CRACR2A: variants seen among roughly 807,000 people sequenced by gnomAD.
CRACR2A encodes calcium release activated channel regulator 2A, also known as EF-hand calcium-binding domain-containing protein 4B.
Under a neutral mutation model 90.5 loss-of-function variants are expected in CRACR2A, and 79 were observed. The ratio of observed to expected loss-of-function variants is 0.87; its 90% CI spans 0.73 to 1.05. The LOEUF (loss-of-function observed/expected upper bound fraction) is 1.05, where lower values mean the gene tolerates loss of function less well. CRACR2A is among the 50% of genes least tolerant of loss of function. The probability of loss-of-function intolerance (pLI) is 0.00; values close to 1 mark genes in which losing one functional copy is unlikely to be tolerated. For missense variants in CRACR2A, 823 were observed against 897.2 expected (o/e 0.92, Z 1.06); for synonymous variants, 338 against 356.7 (o/e 0.95, Z 0.59).
chr12:3,633,579 A>G lies in CRACR2A; in HGVS notation c.1735+25T>C. The G allele has an allele frequency of 6.4e-7, 1 of 1,551,486 alleles. No individual in the cohort carries two copies. Among genetic ancestry groups the G allele is most frequent in the Admixed American group, 2.0e-5 (1 of 50,996 alleles). On this transcript the variant is annotated intron_variant, in intron 15 of 19. Transcript: ENST00000440314. The surrounding 1 kb of genome is among the most constrained non-coding windows in gnomAD (Gnocchi z 4.5). ...CTCCCTTCCCAAAGATGGGCCTAGG[A>G]CCCACCTCAGGGATGAGAACTCACC...
chr12:3,696,951 G>A lies in CRACR2A; in HGVS notation c.49C>T (p.Gln17Ter). The change falls in exon 4 of 20, where the codon CAG becomes TAG. Residue 17 changes from glutamine to a stop codon, truncating the protein, a stop_gained. Coordinates refer to ENST00000440314, the MANE Select transcript of CRACR2A (RefSeq NM_001144958.2). LOFTEE classifies it high-confidence loss of function. The part of the protein sequence containing the change: ...RVVSRPQRLG[Q>*]GSGQGPKGSG... ...CCCTTTGGCCCCTGGCCAGACCCCT[G>A]ACCAAGTCTCTGGGGTCTGGAGACT... The A allele has an allele frequency of 6.2e-7, 1 of 1,614,066 alleles. No homozygotes were observed. Among genetic ancestry groups the A allele is most frequent in the South Asian group, 1.1e-5 (1 of 91,072 alleles).
At chr12:3,655,498 G>A (rs911304979) in intron 9 of CRACR2A, among the ~76,000 whole-genome samples, 2 of 152,194 alleles carry the variant, frequency 1.3e-5, no homozygotes, top group African/African-American at 4.8e-5. Context: ...CTATTGAAAC[G>A]GAAGCAATGT....
intron 4 of CRACR2A, among the ~76,000 whole-genome samples, chr12:3,688,225 A>T (rs1382054547): frequency 6.6e-6 from 1 of 152,066 alleles, no homozygotes; most frequent in Non-Finnish European, 1.5e-5. Flanking sequence ...TGCTTTTGTT[A>T]CAATTGCTTT....
intron 3 of CRACR2A, among the ~76,000 whole-genome samples, chr12:3,703,334 C>T (rs957735018): frequency 2.0e-5 from 3 of 152,216 alleles, no homozygotes; most frequent in Non-Finnish European, 4.4e-5. Flanking sequence ...ATCCGCCCAC[C>T]TTGGCCTCCC....
intron 6 of CRACR2A, 39 bp from the exon 7 acceptor site, chr12:3,673,631 G>A (rs1565484466): frequency 1.2e-6 from 2 of 1,601,852 alleles, no homozygotes; most frequent in Non-Finnish European, 8.5e-7. Flanking sequence ...GTGTGGAGAT[G>A]AGGCTTCACG....
At chr12:3,628,641 C>T (rs1239749042) in intron 15 of CRACR2A, among the ~76,000 whole-genome samples, 3 of 152,224 alleles carry the variant, frequency 2.0e-5, no homozygotes, top group African/African-American at 7.2e-5. Flanking sequence ...GTATTCCCCA[C>T]TCCTGCATCC....
intron 2 of CRACR2A, chr12:3,732,668 T>G (rs1946379704): frequency 6.6e-6 from 1 of 152,276 alleles, no homozygotes; most frequent in Non-Finnish European, 1.5e-5. Flanking sequence ...TGAGCGCTTT[T>G]GTCCCAGTCA....
At chr12:3,655,564 G>A (rs1944887475) in intron 9 of CRACR2A, among the ~76,000 whole-genome samples, 1 of 152,218 alleles carries the variant, frequency 6.6e-6, no homozygotes, top group Admixed American at 6.5e-5. Flanking sequence ...CAAAACAGGA[G>A]GCCAGTGGCA....
chr12:3,718,795 G>A (rs931832739), intron 2 of CRACR2A, among the ~76,000 whole-genome samples: 2 of 152,224 alleles, frequency 1.3e-5, no homozygotes, highest in Non-Finnish European at 2.9e-5. Flanking sequence ...TAAGCTCCAT[G>A]AAGGCAGGTG....
intron 2 of CRACR2A, chr12:3,732,011 C>G (rs953060197): frequency 6.6e-6 from 1 of 152,210 alleles, no homozygotes; most frequent in Admixed American, 6.5e-5. Context: ...TGTTAATCAC[C>G]CAGTTGGTGG....
chr12:3,706,178 G>A (rs1433827814), intron 3 of CRACR2A, among the ~76,000 whole-genome samples: 1 of 152,204 alleles, frequency 6.6e-6, no homozygotes, highest in African/African-American at 2.4e-5. Flanking sequence ...CTTCATGCCT[G>A]TGCCTCTTCT....
intron 2 of CRACR2A, among the ~76,000 whole-genome samples, chr12:3,717,361 G>A (rs1946097589): frequency 6.6e-6 from 1 of 152,158 alleles, no homozygotes; most frequent in African/African-American, 2.4e-5. Flanking sequence ...TGAACATGAA[G>A]ACTGATTTCA....
chr12:3,639,850 C>G (rs549309164), intron 13 of CRACR2A, among the ~76,000 whole-genome samples: 2 of 152,290 alleles, frequency 1.3e-5, no homozygotes, highest in Non-Finnish European at 2.9e-5. Flanking sequence ...AGCCAAATGT[C>G]TTCTTTCCAG....
intron 7 of CRACR2A, among the ~76,000 whole-genome samples, chr12:3,663,202 A>G (rs1334455888): frequency 1.3e-5 from 2 of 151,994 alleles, no homozygotes; most frequent in Admixed American, 1.3e-4. Flanking sequence ...TAAAAACTCA[A>G]TTTACAATTT....
intron 1 of CRACR2A, among the ~76,000 whole-genome samples, chr12:3,750,542 G>A (rs1946688756): frequency 6.6e-6 from 1 of 152,146 alleles, no homozygotes; most frequent in Non-Finnish European, 1.5e-5. Flanking sequence ...CTTCTCTAGG[G>A]GAAACATACG....
intron 3 of CRACR2A, among the ~76,000 whole-genome samples, chr12:3,710,791 C>CAAAAA (rs902683230): frequency 8.6e-6 from 1 of 115,774 alleles, no homozygotes. Flanking sequence ...GGCTCCACCG[C>CAAAAA]AAAAAAAAAA....
chr12:3,716,365 G>C (rs534221068), intron 2 of CRACR2A, among the ~76,000 whole-genome samples: 42 of 152,280 alleles, frequency 2.8e-4, no homozygotes, highest in African/African-American at 9.9e-4. Context: ...GATCCCACTT[G>C]TTTGAAAGTT....
chr12:3,722,319 CTTAA>C (rs752218865), intron 2 of CRACR2A, among the ~76,000 whole-genome samples: 1 of 152,140 alleles, frequency 6.6e-6, no homozygotes, highest in Non-Finnish European at 1.5e-5. Context: ...TGCTGGGAGC[CTTAA>C]TTGTCTTAAT....
At chr12:3,663,790 C>G (rs921198969) in intron 7 of CRACR2A, among the ~76,000 whole-genome samples, 2 of 152,120 alleles carry the variant, frequency 1.3e-5, no homozygotes, top group Admixed American at 6.5e-5. Flanking sequence ...TTCTTGGCAG[C>G]CACATTACAG....
Sources: gnomAD v4.1 joint callset for allele counts (sites outside exome capture counted in the v4.1 genomes callset) on GRCh38, gnomAD v4.1.1 for gene constraint, Gnocchi (gnomAD v3.1) non-coding constraint, MANE v1.5 for transcripts, NCBI Gene and HGNC (gene_info 2026-07-23, HGNC 2026-07-21) for gene names.